The following GPHN variants were observed in gnomAD, a reference collection of about 807,000 sequenced individuals.
GPHN encodes gephyrin.
GPHN carries 17 observed loss-of-function variants against 95.5 expected under a neutral mutation model. The observed-to-expected ratio is 0.18, with a 90% CI of 0.12 to 0.27. GPHN has a LOEUF of 0.27. Among genes scored for constraint, GPHN ranks in the 10% least tolerant of loss-of-function variants. The probability of loss-of-function intolerance (pLI) is 1.00; values close to 1 mark genes in which losing one functional copy is unlikely to be tolerated. For missense variants in GPHN, 660 were observed against 978.1 expected (o/e 0.67, Z 4.34); for synonymous variants, 320 against 322.5 (o/e 0.99, Z 0.08).
the GPHN span, chr14:67,473,053 C>A: frequency 4.0e-6 from 1 of 248,246 alleles, no homozygotes; most frequent in Non-Finnish European, 7.8e-6. The surrounding 1 kb of genome is among the most constrained non-coding windows in gnomAD (Gnocchi z 6.5). Context: ...GGAGGTCAGG[C>A]CTTGCCTCCC....
At chr14:67,727,060 G>A in the GPHN span, 1 of 1,614,058 alleles carries the variant, frequency 6.2e-7, no homozygotes, top group Non-Finnish European at 8.5e-7. Flanking sequence ...TGTCCTCGGT[G>A]GCTCACCACA....
chr14:67,043,061 G>C (rs2074797596), intron 10 of GPHN, among the ~76,000 whole-genome samples: 1 of 152,144 alleles, frequency 6.6e-6, no homozygotes, highest in African/African-American at 2.4e-5. Flanking sequence ...GAATGCTTGT[G>C]ATTTTTGCAC....
intron 5 of GPHN, among the ~76,000 whole-genome samples, chr14:66,889,833 T>TTCTTCAAAAAGAA (rs1473771826): frequency 4.5e-4 from 68 of 151,766 alleles, no homozygotes; most frequent in Non-Finnish European, 9.9e-4. Flanking sequence ...CTAAAGTTGG[T>TTCTTCAAAAAGAA]TCTTCAAAAA....
At chr14:67,727,594 T>C in the GPHN span, 2 of 266,112 alleles carry the variant, frequency 7.5e-6, no homozygotes, top group Non-Finnish European at 1.5e-5. Context: ...GTGATTCTCC[T>C]GCATCAGCCT....
At chr14:66,956,135 T>C (rs905438947) in intron 8 of GPHN, among the ~76,000 whole-genome samples, 1 of 152,192 alleles carries the variant, frequency 6.6e-6, no homozygotes, top group African/African-American at 2.4e-5. Flanking sequence ...TTGGGTTTAG[T>C]TTATACTTTA....
At chr14:67,701,536 G>A in the GPHN span, among the ~76,000 whole-genome samples, 13,505 of 144,130 alleles carry the variant, frequency 0.094, 854 homozygotes, top group East Asian at 0.24. Context: ...TGATTCTCCC[G>A]CCTCAGCCTC....
At chr14:67,656,245 CAA>C in the GPHN span, among the ~76,000 whole-genome samples, 75 of 126,940 alleles carry the variant, frequency 5.9e-4, no homozygotes, top group African/African-American at 6.5e-4. Flanking sequence ...GACTCTATCT[CAA>C]AAAAAAAAAA....
At chr14:66,799,711 A>G (rs1214242052) in intron 3 of GPHN, among the ~76,000 whole-genome samples, 3 of 151,848 alleles carry the variant, frequency 2.0e-5, no homozygotes, top group Non-Finnish European at 4.4e-5. Flanking sequence ...TTGTAGGTGA[A>G]GTGTTCTTCT....
chr14:66,693,050 C>T (rs938114582), intron 2 of GPHN, among the ~76,000 whole-genome samples: 2 of 151,588 alleles, frequency 1.3e-5, no homozygotes, highest in African/African-American at 2.4e-5. Context: ...TAAATAAGCC[C>T]ACTACATATT....
intron 8 of GPHN, among the ~76,000 whole-genome samples, chr14:66,933,798 C>T (rs978182979): frequency 2.2e-4 from 33 of 152,084 alleles, no homozygotes; most frequent in Non-Finnish European, 2.9e-4. Flanking sequence ...ACTATCCTCA[C>T]TGCTCAGAAT....
intron 4 of GPHN, among the ~76,000 whole-genome samples, chr14:66,838,342 G>A (rs2061941811): frequency 6.6e-6 from 1 of 152,006 alleles, no homozygotes; most frequent in African/African-American, 2.4e-5. Flanking sequence ...ATAAGTAGAT[G>A]ATGGTGGAAT....
At chr14:67,639,427 A>G in the GPHN span, among the ~76,000 whole-genome samples, 1 of 152,172 alleles carries the variant, frequency 6.6e-6, no homozygotes, top group Non-Finnish European at 1.5e-5. Context: ...TTATATGACT[A>G]TTCCTTAGAG....
At chr14:67,163,007 T>TA (rs1212065130) in intron 19 of GPHN, among the ~76,000 whole-genome samples, 1 of 152,140 alleles carries the variant, frequency 6.6e-6, no homozygotes, top group Non-Finnish European at 1.5e-5. Context: ...AGATGTTACT[T>TA]AAAAAATAGA....
rs988240347 is a variant in GPHN at position 66,508,197 on chromosome 14, G to C, written c.-331G>C. ...GCTGCCTTGGGTCTCGCGCTCCGCA[G>C]AGCGTTCCGACACTCTCCGGCCTCG... is the stretch of plus-strand genomic sequence containing the variant. On this transcript the variant is annotated 5_prime_UTR_variant, in exon 1 of 23. Coordinates refer to ENST00000478722, the MANE Select transcript of GPHN (RefSeq NM_020806.5). 2 of 503,118 alleles carry C rather than the reference G, an allele frequency of 4.0e-6. No individual in the cohort carries two copies. The highest frequency in any genetic ancestry group is 5.4e-4 in the Middle Eastern group (1 of 1,844). 31.2% of individuals were successfully genotyped at this position (503,118 alleles called of 1,614,324 possible).
chr14:66,563,371 A>G (rs991513463), intron 1 of GPHN, among the ~76,000 whole-genome samples: 2 of 152,144 alleles, frequency 1.3e-5, no homozygotes, highest in African/African-American at 4.8e-5. Context: ...TGATAGGTCT[A>G]CTGGTCCAAA....
chr14:67,562,718 G>A, the GPHN span: 1 of 1,613,366 alleles, frequency 6.2e-7, no homozygotes, highest in Non-Finnish European at 8.5e-7. Context: ...TGGCCTTCCT[G>A]AGCTGGAGTC....
At chr14:66,827,158 G>A (rs948439425) in intron 4 of GPHN, among the ~76,000 whole-genome samples, 1 of 152,010 alleles carries the variant, frequency 6.6e-6, no homozygotes, top group African/African-American at 2.4e-5. Context: ...GGTGGCACAC[G>A]CCTGTAATCC....
At position 66,646,809 on chromosome 14, in the gene GPHN, T is replaced by C. The variant is rs922667908; in HGVS notation, c.65-34298T>C. ...GGTGTTTGGTCACACAACAGGGTAA[T>C]TATATTTAACAGTACCAAACTGTAT... On this transcript the variant is annotated intron_variant, in intron 1 of 22. Transcript: ENST00000478722. Among the ~76,000 whole-genome samples the C allele has an allele frequency of 2.0e-5, 3 of 152,118 alleles. 1 individual carries two copies. The South Asian group carries it at 6.2e-4, about 31-fold the overall frequency.
intron 5 of GPHN, among the ~76,000 whole-genome samples, chr14:66,898,440 G>A (rs2064968858): frequency 8.8e-6 from 1 of 113,788 alleles, no homozygotes; most frequent in African/African-American, 3.5e-5. Flanking sequence ...GTGTATGAAC[G>A]ACCACTTGCT....
Sources: allele counts gnomAD v4.1 joint callset (sites outside exome capture counted in the v4.1 genomes callset), GRCh38; gene constraint gnomAD v4.1.1; non-coding constraint Gnocchi (gnomAD v3.1); transcripts MANE v1.5; gene names NCBI Gene and HGNC (gene_info 2026-07-23, HGNC 2026-07-21).